The following AGXT variants were observed in gnomAD, a reference collection of about 807,000 sequenced individuals.
The protein encoded by AGXT is alanine--glyoxylate aminotransferase.
A neutral mutation model predicts 46.9 loss-of-function variants in AGXT; 41 were observed. The ratio of observed to expected loss-of-function variants is 0.88; its 90% CI spans 0.68 to 1.14. AGXT has a LOEUF of 1.14. AGXT is among the 50% of genes most tolerant of loss of function. AGXT has a pLI of 0.00. For synonymous variants in AGXT, 244 were observed against 227.9 expected (o/e 1.07, Z -0.64); for missense variants, 525 against 522.7 (o/e 1.00, Z -0.04).
At chr2:240,872,771 G>A (rs1244843667) in intron 4 of AGXT, among the ~76,000 whole-genome samples, 4 of 152,142 alleles carry the variant, frequency 2.6e-5, no homozygotes, top group African/African-American at 9.7e-5. Context: ...CTGCTCCAAT[G>A]TTCAGGGCTG....
intron 3 of AGXT, 77 bp downstream of exon 3, chr2:240,870,785 G>A: frequency 7.0e-7 from 1 of 1,418,724 alleles, no homozygotes; most frequent in Non-Finnish European, 9.7e-7. Context: ...GCCTGGAATT[G>A]GCCAGCCAGC....
chr2:240,878,678 C>T (rs1238286226), intron 10 of AGXT, 36 bp from the exon 11 acceptor site: 24 of 1,529,380 alleles, frequency 1.6e-5, no homozygotes, highest in African/African-American at 4.1e-5. Context: ...AGGTCCCAGG[C>T]GGGAGGCTGA....
chr2:240,874,522 C>T (rs1194397302), intron 6 of AGXT, among the ~76,000 whole-genome samples: 1 of 152,236 alleles, frequency 6.6e-6, no homozygotes, highest in African/African-American at 2.4e-5. Context: ...ACCTCACAGG[C>T]GGTTCCCATC....
Position 240,868,841 on chromosome 2 carries a change from C to T in AGXT, c.-25C>T. 3.1e-6 allele frequency: 5 copies of T among 1,603,398 alleles called. No homozygotes were observed. Among genetic ancestry groups the T allele is most frequent in the Non-Finnish European group, 4.3e-6 (5 of 1,175,212 alleles). On this transcript the variant is annotated 5_prime_UTR_variant, in exon 1 of 11. Transcript: ENST00000307503. ...CCAAGGCCAGTGCAGCCCCAGGTTC[C>T]CGAGCGGCAGGTTGGGTGCGGACCA... is the stretch of plus-strand genomic sequence containing the variant.
At position 240,878,872 on chromosome 2, in the gene AGXT, C is replaced by T. The variant is rs1310149662; in HGVS notation, c.*51C>T. ...CTGGCACACACCTGTCCCATGCCCACCCTGAGGGATCAGGAGCAAACAGAC... is the reference window on the plus strand; with the variant it reads ...CTGGCACACACCTGTCCCATGCCCATCCTGAGGGATCAGGAGCAAACAGAC... On this transcript the variant is annotated 3_prime_UTR_variant, in exon 11 of 11. Transcript: ENST00000307503. The T allele has an allele frequency of 2.7e-6, 4 of 1,507,810 alleles. No homozygotes were observed. Among genetic ancestry groups the T allele is most frequent in the Non-Finnish European group, 2.7e-6 (3 of 1,111,646 alleles). 93.4% of individuals were successfully genotyped at this position (1,507,810 alleles called of 1,614,324 possible).
intron 8 of AGXT, 47 bp downstream of exon 8, chr2:240,876,051 T>A: frequency 6.2e-7 from 1 of 1,600,928 alleles, no homozygotes; most frequent in Non-Finnish European, 8.5e-7. Context: ...ACTGGCTGGA[T>A]TGTCGAGGGC....
At chr2:240,878,289 T>C (rs1575712888) in intron 10 of AGXT, 139 bp downstream of exon 10, 1 of 1,259,080 alleles carries the variant, frequency 7.9e-7, no homozygotes, top group East Asian at 2.5e-5. Context: ...GGGCCCACTC[T>C]CCAAGGGGTA....
intron 10 of AGXT, 121 bp from the exon 11 acceptor site, chr2:240,878,593 C>T (rs903786742): frequency 2.1e-6 from 2 of 937,788 alleles, no homozygotes; most frequent in Non-Finnish European, 3.3e-6. Context: ...CAACTCCCCT[C>T]ATGGACGCTG....
chr2:240,869,313 G>A lies in AGXT; in HGVS notation c.309G>A (p.Gly103=), dbSNP rs145419586. ...VLEPGDSFLV[G]ANGIWGQRAV... is the part of the protein sequence containing the mutation. ...AGCCTGGGGACTCCTTCCTGGTTGG[G>A]GCCAATGGCATTTGGGGGCAGCGAG... The change falls in exon 2 of 11, where the codon GGG becomes GGA. Residue 103 remains glycine (G), a synonymous_variant. Coordinates refer to ENST00000307503, the MANE Select transcript of AGXT (RefSeq NM_000030.3). 3.2e-5 allele frequency: 52 copies of A among 1,611,506 alleles called. No individual in the cohort carries two copies. The highest frequency in any genetic ancestry group is 4.2e-5 in the Non-Finnish European group (49 of 1,178,508).
chr2:240,875,229 G>A, intron 7 of AGXT, 25 bp downstream of exon 7: 2 of 1,583,038 alleles, frequency 1.3e-6, no homozygotes, highest in Non-Finnish European at 1.7e-6. Flanking sequence ...GGATGGGAAG[G>A]TGGAGGGCGC....
chr2:240,869,259 C>T lies in AGXT; in HGVS notation c.255C>T (p.Ala85=), dbSNP rs2058978444. ...TCATCTCTGGCTCGGGACACTGTGC[C>T]CTGGAGGCCGCCCTGGTCAATGTGC... ...TLVISGSGHC[A]LEAALVNVLE... is the part of the protein sequence containing the mutation. The change falls in exon 2 of 11, where the codon GCC becomes GCT. Residue 85 remains alanine, a synonymous_variant. Coordinates refer to ENST00000307503, the MANE Select transcript of AGXT (RefSeq NM_000030.3). 2 of 1,613,758 alleles carry T rather than the reference C, an allele frequency of 1.2e-6. No individual in the cohort carries two copies. The highest frequency in any genetic ancestry group is 1.7e-6 in the Non-Finnish European group (2 of 1,180,026).
At chr2:240,874,736 A>T (rs2059013949) in intron 6 of AGXT, among the ~76,000 whole-genome samples, 1 of 152,222 alleles carries the variant, frequency 6.6e-6, no homozygotes, top group Admixed American at 6.5e-5. Context: ...AGACGGACAC[A>T]TTTAAAGTTT....
chr2:240,877,966 C>A, intron 9 of AGXT, 56 bp from the exon 10 acceptor site: 2 of 1,599,806 alleles, frequency 1.3e-6, no homozygotes, highest in South Asian at 1.1e-5. Context: ...CAAGAGCTGT[C>A]ACAAAGGCCC....
chr2:240,871,642 C>T (rs2058991491), intron 4 of AGXT, among the ~76,000 whole-genome samples, 193 bp downstream of exon 4: 1 of 152,182 alleles, frequency 6.6e-6, no homozygotes, highest in African/African-American at 2.4e-5. Flanking sequence ...GGTCCCAGGG[C>T]AGGCTCAGGT....
chr2:240,875,302 C>A, intron 7 of AGXT, 98 bp downstream of exon 7: 1 of 1,046,920 alleles, frequency 9.6e-7, no homozygotes, highest in African/African-American at 1.6e-5. Context: ...CCAAGCCCCC[C>A]ACCTTCATGC....
chr2:240,874,891 G>T (rs1380030305), intron 6 of AGXT, among the ~76,000 whole-genome samples: 1 of 152,134 alleles, frequency 6.6e-6, no homozygotes, highest in East Asian at 1.9e-4. Flanking sequence ...CCATGGCAGG[G>T]TCACACAGCT....
In AGXT at chr2:240,878,168, G is replaced by T. The variant is rs1007750731; in HGVS notation, c.1071+18G>T. ...CGGGGAAGGTGAGAGGGAGCGCCTC[G>T]AGGGCCTTTTGCAGAAACCAAACCC... On this transcript the variant is annotated intron_variant, in intron 10 of 10. Coordinates refer to ENST00000307503, the MANE Select transcript of AGXT (RefSeq NM_000030.3). 6.2e-7 allele frequency: 1 copy of T among 1,611,708 alleles called. No individual in the cohort carries two copies. Among genetic ancestry groups the T allele is most frequent in the Non-Finnish European group, 8.5e-7 (1 of 1,179,770 alleles).
At chr2:240,878,228 G>T in intron 10 of AGXT, 78 bp downstream of exon 10, 4 of 1,585,156 alleles carry the variant, frequency 2.5e-6, no homozygotes, top group Non-Finnish European at 3.4e-6. Flanking sequence ...TGCACCAGGT[G>T]CAGGGGAGGC....
Position 240,873,991 on chromosome 2 carries a change from G to C in AGXT, c.609G>C (p.Leu203=), listed in dbSNP as rs144926457. The C allele has an allele frequency of 6.2e-7, 1 of 1,613,718 alleles. No individual in the cohort carries two copies. Among genetic ancestry groups the C allele is most frequent in the Non-Finnish European group, 8.5e-7 (1 of 1,180,018 alleles). The change falls in exon 6 of 11, where the codon CTG becomes CTC. Residue 203 remains leucine, a synonymous_variant. Coordinates refer to ENST00000307503, the MANE Select transcript of AGXT (RefSeq NM_000030.3). ...LYMDRQGIDI[L]YSGSQKALNA... ...ACCCATCTACAGGCATCGACATCCT[G>C]TACTCGGGCTCCCAGAAGGCCCTGA...
Sources: gnomAD v4.1 joint callset for allele counts (sites outside exome capture counted in the v4.1 genomes callset) on GRCh38, gnomAD v4.1.1 for gene constraint, MANE v1.5 for transcripts, NCBI Gene and HGNC (gene_info 2026-07-23, HGNC 2026-07-21) for gene names.